Variants in ENOSF1 observed in about 807,000 individuals in gnomAD.
ENOSF1 encodes the protein mitochondrial enolase superfamily member 1.
In ENOSF1, 73 loss-of-function variants were observed where a neutral mutation model predicts 68.2. The ratio of observed to expected loss-of-function variants is 1.07; its 90% confidence interval spans 0.89 to 1.30. ENOSF1 has a LOEUF of 1.30. ENOSF1 is among the 50% of genes most tolerant of loss of function. The probability of loss-of-function intolerance (pLI) is 0.00; values close to 1 mark genes in which losing one functional copy is unlikely to be tolerated. For missense variants in ENOSF1, 589 were observed against 554.5 expected (o/e 1.06, Z -0.62); for synonymous variants, 223 against 210.4 (o/e 1.06, Z -0.52).
intron 11 of ENOSF1, among the ~76,000 whole-genome samples, chr18:681,806 C>T (rs946323708): frequency 6.6e-6 from 1 of 152,176 alleles, no homozygotes; most frequent in Non-Finnish European, 1.5e-5. Flanking sequence ...TCACATATCT[C>T]GGCTGTTCTC....
downstream of ENOSF1, among the ~76,000 whole-genome samples, chr18:666,968 GT>G (rs1195170102): frequency 1.8e-3 from 21 of 11,480 alleles, 2 homozygotes; most frequent in South Asian, 8.4e-3. Flanking sequence ...GATGGAGATG[GT>G]GATGGAGATG....
In ENOSF1 at chr18:697,477, G is replaced by A. The variant is rs191054577; in HGVS notation, c.194-122C>T. On this transcript the variant is annotated intron_variant, in intron 2 of 15. Transcript: ENST00000647584. ...TGAAAAAATTAAATCTAGGCCAGGCGCGGTGGCTCATGCCTGTAATCTCAA... is the reference window on the plus strand; with the variant it reads ...TGAAAAAATTAAATCTAGGCCAGGCACGGTGGCTCATGCCTGTAATCTCAA... 248 of 758,270 alleles carry A rather than the reference G, an allele frequency of 3.3e-4. No homozygotes were observed. In the African/African-American group the frequency reaches 3.4e-3, roughly 10 times the overall value. 47.0% of individuals were successfully genotyped at this position (758,270 alleles called of 1,614,324 possible). A position where few individuals can be genotyped will look rare whatever the true frequency, so the allele number is the denominator to read the frequency against.
intron 11 of ENOSF1, among the ~76,000 whole-genome samples, chr18:681,823 G>C (rs56867274): frequency 6.6e-5 from 10 of 152,132 alleles, no homozygotes; most frequent in African/African-American, 2.2e-4. Context: ...TCTCTCCAGC[G>C]AGGCTGCAAT....
chr18:699,570 A>G (rs1316845987), intron 2 of ENOSF1, among the ~76,000 whole-genome samples: 5 of 152,192 alleles, frequency 3.3e-5, no homozygotes, highest in African/African-American at 7.2e-5. Flanking sequence ...TCCTTTGCCA[A>G]TTCTAGGAAA....
intron 3 of ENOSF1, among the ~76,000 whole-genome samples, chr18:696,606 GGGA>G (rs896303249): frequency 2.0e-5 from 3 of 152,218 alleles, no homozygotes; most frequent in Admixed American, 6.5e-5. Flanking sequence ...TTCCAATTCA[GGGA>G]GGAGGAGATG....
At chr18:674,547 C>T in intron 15 of ENOSF1, 141 bp from the exon 16 acceptor site, 1 of 543,130 alleles carries the variant, frequency 1.8e-6, no homozygotes, top group Non-Finnish European at 3.2e-6. Context: ...GACATGGAGT[C>T]ACTGTCCGTT....
chr18:683,634 A>C (rs2076326224), intron 10 of ENOSF1, among the ~76,000 whole-genome samples: 1 of 152,042 alleles, frequency 6.6e-6, no homozygotes, highest in African/African-American at 2.4e-5. Flanking sequence ...GATGTCCAGC[A>C]GTGCCCTGGG....
chr18:705,892 C>G (rs2078873457), intron 2 of ENOSF1, among the ~76,000 whole-genome samples: 1 of 151,930 alleles, frequency 6.6e-6, no homozygotes, highest in Non-Finnish European at 1.5e-5. Flanking sequence ...GCCTGTAATC[C>G]TAGCTTCTCG....
At position 696,478 on chromosome 18, in the gene ENOSF1, T is replaced by C. The variant is rs181259152; in HGVS notation, c.309+762A>G. Among the ~76,000 whole-genome samples, 73 of 152,240 alleles carry C rather than the reference T, an allele frequency of 4.8e-4. 2 individuals carry two copies. In the East Asian group the frequency reaches 0.013, roughly 27 times the overall value. Reference sequence around the variant, plus strand: ...TGCCTGCCTTGGCCTCCCAAAGTGCTGGGATTACAGGAGTGAGCCACCGCG... The same window carrying C: ...TGCCTGCCTTGGCCTCCCAAAGTGCCGGGATTACAGGAGTGAGCCACCGCG... On this transcript the variant is annotated intron_variant, in intron 3 of 15. Transcript: ENST00000647584.
In ENOSF1 at chr18:671,569, G is replaced by C; in HGVS notation, c.*2736C>G. On this transcript the variant is annotated 3_prime_UTR_variant, in exon 16 of 16. Transcript: ENST00000647584. ...ATAAAGATGACTGCTCCAAATGTGG[G>C]GCTTCAGTTTAGGGAGAAGTGGTGG... 1.3e-6 allele frequency: 1 copy of C among 759,092 alleles called. No homozygotes were observed. The highest frequency in any genetic ancestry group is 2.6e-5 in the East Asian group (1 of 39,190). The allele number at this position is 759,092 out of a possible 1,614,324, so 47.0% of individuals were successfully genotyped here. A position where few individuals can be genotyped will look rare whatever the true frequency, so the allele number is the denominator to read the frequency against.
intron 3 of ENOSF1, among the ~76,000 whole-genome samples, chr18:696,838 TG>T (rs2077782068): frequency 6.6e-6 from 1 of 152,104 alleles, no homozygotes; most frequent in African/African-American, 2.4e-5. Flanking sequence ...ATCTCTAGGA[TG>T]GGCATGGTGG....
In ENOSF1 at chr18:670,837, G is replaced by C. The variant is rs769045087; in HGVS notation, c.*3468C>G. 6.2e-7 allele frequency: 1 copy of C among 1,613,890 alleles called. No homozygotes were observed. The highest frequency in any genetic ancestry group is 1.3e-5 in the African/African-American group (1 of 74,862). ...ACATCGCCAGCTACGCCCTGCTCAC[G>C]TACATGATTGCGCACATCACGGGCC... On this transcript the variant is annotated 3_prime_UTR_variant, in exon 16 of 16. Transcript: ENST00000647584.
intron 2 of ENOSF1, among the ~76,000 whole-genome samples, chr18:704,379 G>C (rs1313826458): frequency 1.4e-5 from 2 of 144,710 alleles, no homozygotes; most frequent in Non-Finnish European, 3.0e-5. Context: ...TAGTGAGCGA[G>C]ATTGCGCCAC....
intron 1 of ENOSF1, 33 bp from the exon 2 acceptor site, chr18:706,611 C>A (rs376002327): frequency 5.3e-6 from 8 of 1,508,916 alleles, no homozygotes; most frequent in Non-Finnish European, 7.4e-6. Flanking sequence ...CGAAACAATG[C>A]CAGTGTGAGA....
chr18:664,765 A>G, the ENOSF1 span, among the ~76,000 whole-genome samples: 1 of 150,336 alleles, frequency 6.7e-6, no homozygotes, highest in African/African-American at 2.5e-5. Flanking sequence ...TTCTGCATCT[A>G]TTGAGATAAT....
At chr18:706,818 T>A (rs868009816) in intron 1 of ENOSF1, 24,603 of 155,884 alleles carry the variant, frequency 0.16, 2,328 homozygotes, top group Admixed American at 0.23. Context: ...TATATATATT[T>A]TTTTTTTTTT....
At chr18:675,252 A>G in intron 15 of ENOSF1, 69 bp downstream of exon 15, 2 of 1,159,484 alleles carry the variant, frequency 1.7e-6, no homozygotes, top group Non-Finnish European at 2.6e-6. Context: ...TCCACAGTCT[A>G]GTTCACGAGA....
chr18:677,634 G>A (rs2075648262), intron 13 of ENOSF1, 109 bp downstream of exon 13: 13 of 1,447,434 alleles, frequency 9.0e-6, no homozygotes, highest in Middle Eastern at 2.6e-4. Flanking sequence ...GAAAAAAATC[G>A]AAATGGCAAA....
downstream of ENOSF1, among the ~76,000 whole-genome samples, chr18:667,553 A>AGATGGT (rs1327773362): frequency 9.7e-4 from 18 of 18,594 alleles, 1 homozygote; most frequent in African/African-American, 1.6e-3. Flanking sequence ...ATGGTGATGG[A>AGATGGT]GATGGTGATG....
Sources: allele counts gnomAD v4.1 joint callset (sites outside exome capture counted in the v4.1 genomes callset), GRCh38; gene constraint gnomAD v4.1.1; transcripts MANE v1.5; gene names NCBI Gene and HGNC (gene_info 2026-07-23, HGNC 2026-07-21).